NALF1: variants seen among roughly 807,000 people sequenced by gnomAD.
NALF1 encodes family with sequence similarity 155 member A.
A neutral mutation model predicts 48.4 loss-of-function variants in NALF1; 3 were observed. The observed-to-expected ratio is 0.06, with a 90% confidence interval of 0.03 to 0.16. NALF1 has a LOEUF of 0.16. NALF1 is among the 10% of genes least tolerant of loss of function. The probability of loss-of-function intolerance (pLI) is 1.00; values close to 1 mark genes in which losing one functional copy is unlikely to be tolerated. For missense variants in NALF1, 526 were observed against 571.5 expected (o/e 0.92, Z 0.81); for synonymous variants, 262 against 245.7 (o/e 1.07, Z -0.62).
At chr13:107,668,695 G>C (rs1880918302) in intron 1 of NALF1, among the ~76,000 whole-genome samples, 1 of 152,044 alleles carries the variant, frequency 6.6e-6, no homozygotes, top group Non-Finnish European at 1.5e-5. Flanking sequence ...TCTGTCCTAT[G>C]ATATCTGAGA....
rs142065215 is a variant in NALF1 at position 107,819,861 on chromosome 13, G to A, written c.915+45821C>T. On this transcript the variant is annotated intron_variant, in intron 1 of 2. Transcript: ENST00000375915. Reference sequence around the variant, plus strand: ...TTTATAATCTGTACCTTGTAGTAGCGCTTGCCACTATCTATTTTTTAGGCT... The same window carrying A: ...TTTATAATCTGTACCTTGTAGTAGCACTTGCCACTATCTATTTTTTAGGCT... Among the ~76,000 whole-genome samples, 413 of 151,250 alleles carry A rather than the reference G, an allele frequency of 2.7e-3. 1 individual carries two copies. Among genetic ancestry groups the A allele is most frequent in the African/African-American group, 9.5e-3 (391 of 41,128 alleles).
chr13:107,843,023 G>T (rs1880081899), intron 1 of NALF1, among the ~76,000 whole-genome samples: 1 of 152,104 alleles, frequency 6.6e-6, no homozygotes, highest in Non-Finnish European at 1.5e-5. Flanking sequence ...ATATTATCCA[G>T]GCCACTGATA....
chr13:107,776,119 C>T (rs1877723389), intron 1 of NALF1, among the ~76,000 whole-genome samples: 1 of 152,198 alleles, frequency 6.6e-6, no homozygotes, highest in African/African-American at 2.4e-5. Context: ...AAAACAAATG[C>T]ACAAACTGAG....
intron 1 of NALF1, among the ~76,000 whole-genome samples, chr13:107,824,979 G>A (rs1345894854): frequency 6.6e-6 from 1 of 152,114 alleles, no homozygotes; most frequent in Non-Finnish European, 1.5e-5. Context: ...CCCAAACCAC[G>A]AATCTAGTAG....
intron 1 of NALF1, among the ~76,000 whole-genome samples, chr13:107,859,422 T>C (rs1181592465): frequency 3.9e-5 from 6 of 152,186 alleles, no homozygotes; most frequent in African/African-American, 1.2e-4. Context: ...AATGACTCAA[T>C]GTAGAAAGAA....
chr13:107,679,301 T>G (rs1429349786), intron 1 of NALF1, among the ~76,000 whole-genome samples: 1 of 152,210 alleles, frequency 6.6e-6, no homozygotes, highest in Non-Finnish European at 1.5e-5. Context: ...GTGAAAACCT[T>G]TAACTATAAA....
At chr13:107,816,889 C>G (rs1309746514) in intron 1 of NALF1, among the ~76,000 whole-genome samples, 1 of 152,170 alleles carries the variant, frequency 6.6e-6, no homozygotes. Context: ...CGTAGGTCTG[C>G]CAATCAAGCA....
At chr13:107,623,953 T>C (rs1690254073) in intron 1 of NALF1, among the ~76,000 whole-genome samples, 1 of 152,230 alleles carries the variant, frequency 6.6e-6, no homozygotes, top group Non-Finnish European at 1.5e-5. Flanking sequence ...TGGAGATGTG[T>C]ATAATATGTC....
At chr13:107,340,913 C>A (rs552253106) in intron 1 of NALF1, among the ~76,000 whole-genome samples, 1 of 152,234 alleles carries the variant, frequency 6.6e-6, no homozygotes, top group East Asian at 1.9e-4. Flanking sequence ...TCCTGCAGCC[C>A]AGAGAAGAAA....
intron 1 of NALF1, among the ~76,000 whole-genome samples, chr13:107,277,379 C>T (rs565742146): frequency 2.0e-5 from 3 of 152,246 alleles, no homozygotes; most frequent in Non-Finnish European, 4.4e-5. Flanking sequence ...ATTTTCTTCT[C>T]TCAGGAAAGA....
At chr13:107,227,417 A>T (rs1880128862) in intron 1 of NALF1, among the ~76,000 whole-genome samples, 1 of 152,240 alleles carries the variant, frequency 6.6e-6, no homozygotes, top group African/African-American at 2.4e-5. Context: ...TCTTTAAAAA[A>T]TGTGTGGTAA....
chr13:107,410,544 T>C (rs1172037645), intron 1 of NALF1, among the ~76,000 whole-genome samples: 2 of 151,866 alleles, frequency 1.3e-5, no homozygotes, highest in Admixed American at 1.3e-4. Context: ...AATCAAGCAA[T>C]TAAAAATACA....
intron 1 of NALF1, among the ~76,000 whole-genome samples, chr13:107,538,444 T>C (rs1022229200): frequency 2.6e-5 from 4 of 152,198 alleles, no homozygotes; most frequent in Non-Finnish European, 5.9e-5. Flanking sequence ...ACTTTTCTTA[T>C]GTTAAAGGTG....
chr13:107,523,289 G>T (rs534108608), intron 1 of NALF1, among the ~76,000 whole-genome samples: 2 of 152,244 alleles, frequency 1.3e-5, no homozygotes, highest in South Asian at 4.1e-4. Context: ...TCTCCAGGTG[G>T]CATAGTTTAA....
At chr13:107,636,036 C>T (rs1406283640) in intron 1 of NALF1, among the ~76,000 whole-genome samples, 1 of 152,026 alleles carries the variant, frequency 6.6e-6, no homozygotes, top group Non-Finnish European at 1.5e-5. Context: ...GGGAAGCTAC[C>T]TATTAGGTTG....
intron 2 of NALF1, among the ~76,000 whole-genome samples, chr13:107,171,673 G>T (rs1401609192): frequency 1.3e-5 from 2 of 152,128 alleles, no homozygotes; most frequent in African/African-American, 4.8e-5. Flanking sequence ...AAACAACTGT[G>T]TATCTACAAT....
chr13:107,247,069 G>GA (rs1486276546), intron 1 of NALF1, among the ~76,000 whole-genome samples: 1 of 152,074 alleles, frequency 6.6e-6, no homozygotes, highest in Non-Finnish European at 1.5e-5. Flanking sequence ...ACTAGCCAGG[G>GA]AAAAAATTCT....
intron 1 of NALF1, among the ~76,000 whole-genome samples, chr13:107,454,823 T>C (rs1884798754): frequency 6.6e-6 from 1 of 152,220 alleles, no homozygotes; most frequent in Non-Finnish European, 1.5e-5. Context: ...TCTCCTAGGA[T>C]TGTCAGCCAT....
At chr13:107,726,256 G>A (rs1164217177) in intron 1 of NALF1, among the ~76,000 whole-genome samples, 2 of 152,082 alleles carry the variant, frequency 1.3e-5, no homozygotes, top group East Asian at 3.8e-4. Context: ...GTAGTGACAA[G>A]AGAAATGGGT....
Sources: gnomAD v4.1 joint callset for allele counts (sites outside exome capture counted in the v4.1 genomes callset) on GRCh38, gnomAD v4.1.1 for gene constraint, MANE v1.5 for transcripts, NCBI Gene and HGNC (gene_info 2026-07-23, HGNC 2026-07-21) for gene names.